Variants in ITGB8 observed in about 807,000 individuals in gnomAD.
ITGB8 encodes integrin subunit beta 8.
Under a neutral mutation model 89.5 loss-of-function variants are expected in ITGB8, and 30 were observed. That is an observed-to-expected ratio of 0.34 (90% CI 0.25 to 0.45). The LOEUF is 0.45. ITGB8 is among the 20% of genes least tolerant of loss of function. The pLI is 1.00. For synonymous variants in ITGB8, 335 were observed against 320.4 expected (o/e 1.05, Z -0.49); for missense variants, 836 against 933.3 (o/e 0.90, Z 1.36).
At chr7:20,352,257 T>C (rs1259896639) in intron 1 of ITGB8, 1 of 152,248 alleles carries the variant, frequency 6.6e-6, no homozygotes, top group East Asian at 1.9e-4. Flanking sequence ...AGATAGATGA[T>C]ATGGTTTTGA....
chr7:20,387,798 T>G, intron 6 of ITGB8, among the ~76,000 whole-genome samples: 1 of 152,234 alleles, frequency 6.6e-6, no homozygotes, highest in East Asian at 1.9e-4. Flanking sequence ...AGTGCAACTA[T>G]GTAGATACAA....
intron 1 of ITGB8, among the ~76,000 whole-genome samples, chr7:20,362,132 C>T (rs1785525567): frequency 6.6e-6 from 1 of 152,200 alleles, no homozygotes; most frequent in Non-Finnish European, 1.5e-5. Context: ...CACAGTTCCT[C>T]CCTCTCTACT....
At chr7:20,399,055 C>G in intron 9 of ITGB8, 61 bp downstream of exon 9, 4 of 1,532,666 alleles carry the variant, frequency 2.6e-6, no homozygotes, top group Non-Finnish European at 3.5e-6. Flanking sequence ...TACTTTCTTA[C>G]AGAAAAAGCA....
intron 3 of ITGB8, chr7:20,377,546 C>T (rs1259613436): frequency 6.6e-6 from 1 of 152,206 alleles, no homozygotes; most frequent in Non-Finnish European, 1.5e-5. Flanking sequence ...TTTAATTTCT[C>T]CACTCAAATT....
intron 5 of ITGB8, 133 bp from the exon 6 acceptor site, chr7:20,381,594 A>C: frequency 1.6e-6 from 1 of 606,098 alleles, no homozygotes; most frequent in Non-Finnish European, 2.9e-6. Context: ...TTTACGCAGC[A>C]GCGTTGTACC....
At chr7:20,379,383 T>C (rs532528599) in intron 4 of ITGB8, 86 bp downstream of exon 4, 15 of 781,024 alleles carry the variant, frequency 1.9e-5, no homozygotes, top group Non-Finnish European at 2.7e-5. Context: ...ACTTACCAAA[T>C]TTTATATTTT....
intron 1 of ITGB8, among the ~76,000 whole-genome samples, chr7:20,350,912 G>A (rs1785092549): frequency 6.6e-6 from 1 of 152,232 alleles, no homozygotes; most frequent in Non-Finnish European, 1.5e-5. Context: ...TGCTGAACAA[G>A]TGCCAGCCAG....
At chr7:20,371,367 T>A (rs184771136) in intron 3 of ITGB8, among the ~76,000 whole-genome samples, 40 of 152,238 alleles carry the variant, frequency 2.6e-4, no homozygotes, top group Non-Finnish European at 4.1e-4. Flanking sequence ...CAAATGAAAC[T>A]AACTATTGAA....
chr7:20,351,697 G>GT (rs1164054085), intron 1 of ITGB8, among the ~76,000 whole-genome samples: 5 of 152,278 alleles, frequency 3.3e-5, no homozygotes, highest in African/African-American at 1.2e-4. Flanking sequence ...ACCGGTGTTT[G>GT]TTTTTTACTT....
chr7:20,331,517 CCT>C lies in ITGB8; in HGVS notation c.-284_-283del, dbSNP rs1317910805. 3.6e-4 allele frequency: 157 copies of C among 437,448 alleles called. No homozygotes were observed. Among genetic ancestry groups the C allele is most frequent in the Non-Finnish European group, 6.7e-5 (17 of 252,122 alleles). The allele number at this position is 437,448 out of a possible 1,614,324, so 27.1% of individuals were successfully genotyped here. A position where few individuals can be genotyped will look rare whatever the true frequency, so the allele number is the denominator to read the frequency against. On this transcript the variant is annotated 5_prime_UTR_variant, in exon 1 of 14. The change abolishes the stop of an existing upstream ORF in the 5' untranslated region. Transcript: ENST00000222573. ...GCAGGCTGCGGAGCCCTTGCAGAGC[CCT>C]CTCTCCAGTCGCCGCCGGGGCCCTT...
At chr7:20,394,507 TG>T (rs1786991211) in intron 7 of ITGB8, among the ~76,000 whole-genome samples, 1 of 152,274 alleles carries the variant, frequency 6.6e-6, no homozygotes, top group South Asian at 2.1e-4. Flanking sequence ...GTGCATTTTA[TG>T]TTTCTAAGTG....
In ITGB8 at chr7:20,406,150, C is replaced by A; in HGVS notation, c.2002C>A (p.His668Asn). The A allele has an allele frequency of 6.2e-7, 1 of 1,608,574 alleles. No individual in the cohort carries two copies. The highest frequency in any genetic ancestry group is 1.3e-5 in the African/African-American group (1 of 74,910). ...CTCATGTGCTCTCATGGAACAACAG[C>A]ATTATGTCGACCAAACTTCAGGTAG... ...KTSCALMEQQ[H>N]YVDQTSECFS... Residue 668 changes from histidine (H) to asparagine (N), a missense_variant, in exon 12 of 14, where the codon CAT (histidine) becomes AAT (asparagine). His to Asn is a moderately conservative substitution (Grantham distance 68). Coordinates refer to ENST00000222573, the MANE Select transcript of ITGB8 (RefSeq NM_002214.3).
intron 3 of ITGB8, among the ~76,000 whole-genome samples, chr7:20,368,427 A>T (rs1253861499): frequency 1.3e-5 from 2 of 152,176 alleles, no homozygotes; most frequent in East Asian, 3.8e-4. Flanking sequence ...AGATATTCCT[A>T]TAATTACACA....
chr7:20,359,567 G>A (rs753043071), intron 1 of ITGB8, among the ~76,000 whole-genome samples: 8 of 152,128 alleles, frequency 5.3e-5, no homozygotes, highest in African/African-American at 7.2e-5. Flanking sequence ...CAGACTGTCC[G>A]TGTCTGTAAA....
intron 3 of ITGB8, among the ~76,000 whole-genome samples, chr7:20,377,613 A>G (rs1233430991): frequency 6.6e-6 from 1 of 152,260 alleles, no homozygotes; most frequent in Non-Finnish European, 1.5e-5. Flanking sequence ...AAAGCAGAGC[A>G]GAATATAGGA....
intron 9 of ITGB8, among the ~76,000 whole-genome samples, chr7:20,401,350 A>G (rs1050626689): frequency 3.9e-5 from 6 of 152,124 alleles, no homozygotes; most frequent in Non-Finnish European, 8.8e-5. Flanking sequence ...TCTAGTGTCA[A>G]ATATTCAATA....
At chr7:20,344,003 C>G (rs968608626) in intron 1 of ITGB8, among the ~76,000 whole-genome samples, 4 of 152,144 alleles carry the variant, frequency 2.6e-5, no homozygotes, top group Admixed American at 2.6e-4. Flanking sequence ...ACTATTTAAT[C>G]AATAAATGAA....
intron 1 of ITGB8, among the ~76,000 whole-genome samples, chr7:20,361,989 A>G (rs1271708231): frequency 2.0e-5 from 3 of 152,222 alleles, no homozygotes; most frequent in Admixed American, 6.5e-5. Context: ...AGATACATAG[A>G]GGAGATAATA....
chr7:20,377,567 G>T (rs1446999726), intron 3 of ITGB8, among the ~76,000 whole-genome samples: 1 of 152,210 alleles, frequency 6.6e-6, no homozygotes, highest in African/African-American at 2.4e-5. Flanking sequence ...GCAGAACACT[G>T]CCACAGGAAC....
Sources: gnomAD v4.1 joint callset for allele counts (sites outside exome capture counted in the v4.1 genomes callset) on GRCh38, gnomAD v4.1.1 for gene constraint, MANE v1.5 for transcripts, NCBI Gene and HGNC (gene_info 2026-07-23, HGNC 2026-07-21) for gene names.